GALNT1: variants seen among roughly 807,000 people sequenced by gnomAD.
The protein encoded by GALNT1 is GalNAc transferase 1.
GALNT1 carries 17 observed loss-of-function variants against 65.7 expected under a neutral mutation model. The observed-to-expected ratio is 0.26, with a 90% confidence interval of 0.18 to 0.39. GALNT1 has a LOEUF of 0.39. GALNT1 is among the 10% of genes least tolerant of loss of function. The pLI, the probability that GALNT1 is intolerant of heterozygous loss-of-function variation, is 1.00. For missense variants in GALNT1, 460 were observed against 672.8 expected (o/e 0.68, Z 3.50); for synonymous variants, 210 against 219.7 (o/e 0.96, Z 0.39).
At chr18:35,684,645 G>C (rs1248556602) in intron 5 of GALNT1, among the ~76,000 whole-genome samples, 1 of 152,130 alleles carries the variant, frequency 6.6e-6, no homozygotes, top group Non-Finnish European at 1.5e-5. Flanking sequence ...TCGATATTCT[G>C]AATAACTTTT....
intron 9 of GALNT1, chr18:35,702,678 G>T: frequency 1.5e-5 from 5 of 332,126 alleles, no homozygotes; most frequent in Non-Finnish European, 2.2e-5. Flanking sequence ...AAAAGAAATT[G>T]TAAGGATTTT....
intron 1 of GALNT1, among the ~76,000 whole-genome samples, chr18:35,595,522 A>G (rs1299220421): frequency 6.6e-6 from 1 of 152,116 alleles, no homozygotes; most frequent in Non-Finnish European, 1.5e-5. Flanking sequence ...CAGACCATAA[A>G]CCTATGGCAA....
chr18:35,690,712 A>G (rs1358529691), intron 7 of GALNT1, among the ~76,000 whole-genome samples: 1 of 152,192 alleles, frequency 6.6e-6, no homozygotes, highest in Non-Finnish European at 1.5e-5. Context: ...TAACCTAACC[A>G]TACAGCCGGA....
chr18:35,671,945 A>G (rs2047642798), intron 3 of GALNT1, among the ~76,000 whole-genome samples: 1 of 152,114 alleles, frequency 6.6e-6, no homozygotes, highest in South Asian at 2.1e-4. Context: ...GGAGCTACTT[A>G]TATGCATATA....
At chr18:35,619,956 AGTCTT>A (rs1252714287) in intron 1 of GALNT1, among the ~76,000 whole-genome samples, 1 of 152,156 alleles carries the variant, frequency 6.6e-6, no homozygotes, top group Non-Finnish European at 1.5e-5. Context: ...CTCTCCTCTG[AGTCTT>A]GTCTTATTTT....
chr18:35,597,971 C>T (rs1598780381), intron 1 of GALNT1, among the ~76,000 whole-genome samples: 1 of 144,100 alleles, frequency 6.9e-6, no homozygotes, highest in Admixed American at 7.1e-5. Context: ...TACTATTGAG[C>T]AATAGCTTTT....
chr18:35,602,924 A>C (rs1019808114), intron 1 of GALNT1, among the ~76,000 whole-genome samples: 1 of 152,136 alleles, frequency 6.6e-6, no homozygotes, highest in African/African-American at 2.4e-5. Context: ...ATGTATGTCT[A>C]TGACTTCACA....
chr18:35,585,786 G>A (rs946681395), intron 1 of GALNT1, among the ~76,000 whole-genome samples: 2 of 152,298 alleles, frequency 1.3e-5, no homozygotes, highest in Non-Finnish European at 1.5e-5. Flanking sequence ...CCAGGTTGTT[G>A]CATGTATCAG....
chr18:35,585,200 C>A (rs1167336639), intron 1 of GALNT1, among the ~76,000 whole-genome samples: 2 of 152,072 alleles, frequency 1.3e-5, no homozygotes, highest in African/African-American at 4.8e-5. Flanking sequence ...CATTTCTTAT[C>A]CCATTTTTAT....
intron 8 of GALNT1, among the ~76,000 whole-genome samples, 175 bp from the exon 9 acceptor site, chr18:35,692,006 A>T (rs1417123078): frequency 6.6e-6 from 1 of 152,172 alleles, no homozygotes; most frequent in Non-Finnish European, 1.5e-5. Flanking sequence ...ACACATTTTA[A>T]TGTATTTTCC....
At chr18:35,677,527 C>G in intron 3 of GALNT1, 64 bp from the exon 4 acceptor site, 1 of 1,336,986 alleles carries the variant, frequency 7.5e-7, no homozygotes, top group Non-Finnish European at 1.0e-6. Context: ...CCCTTCTAGT[C>G]CAGATTCCTT....
chr18:35,629,505 C>G (rs539255324), intron 1 of GALNT1, among the ~76,000 whole-genome samples: 2 of 152,276 alleles, frequency 1.3e-5, no homozygotes, highest in Non-Finnish European at 1.5e-5. Context: ...ACTTTACAGA[C>G]AAGCAAATGC....
chr18:35,708,967 A>G (rs956220154), intron 11 of GALNT1, among the ~76,000 whole-genome samples: 1 of 152,072 alleles, frequency 6.6e-6, no homozygotes. Context: ...TGTGAACTCA[A>G]CTCCACATTC....
rs2046560926 is a variant in GALNT1 at position 35,599,955 on chromosome 18, AGT to A, written c.-104+18097_-104+18098del. On this transcript the variant is annotated intron_variant, in intron 1 of 11. Transcript: ENST00000269195. ...TTTCTAATACATTTTGAAGTCAGGT[AGT>A]GTGATGCCTACAGCTTTATTCTTTT... Among the ~76,000 whole-genome samples the A allele has an allele frequency of 1.3e-5, 2 of 152,214 alleles. 1 individual carries two copies. Among genetic ancestry groups the A allele is most frequent in the South Asian group, 4.1e-4 (2 of 4,832 alleles).
At chr18:35,685,320 A>G (rs1367548815) in intron 5 of GALNT1, among the ~76,000 whole-genome samples, 1 of 152,148 alleles carries the variant, frequency 6.6e-6, no homozygotes, top group Non-Finnish European at 1.5e-5. Flanking sequence ...AATACATCCC[A>G]TTAATGTATT....
chr18:35,706,517 A>T (rs2048263863), intron 11 of GALNT1, among the ~76,000 whole-genome samples: 1 of 151,998 alleles, frequency 6.6e-6, no homozygotes, highest in Non-Finnish European at 1.5e-5. Context: ...ATAAAATTAA[A>T]TTTTAAAAAA....
rs2048352283 is a variant in GALNT1, at chr18:35,711,689, A to T, written c.*1919A>T. ...CTTACTGTATGAAAGCTTAACAGCA[A>T]TGTGATTTAAGGTTTTGTTTTAAAT... On this transcript the variant is annotated 3_prime_UTR_variant, in exon 12 of 12. Transcript: ENST00000269195. 6.6e-6 allele frequency: 1 copy of T among 152,216 alleles called. No individual in the cohort carries two copies. The highest frequency in any genetic ancestry group is 1.5e-5 in the Non-Finnish European group (1 of 68,038). The allele number at this position is 152,216 out of a possible 1,614,324, so 9.4% of individuals were successfully genotyped here.
At chr18:35,636,888 G>T (rs2047098246) in intron 1 of GALNT1, among the ~76,000 whole-genome samples, 1 of 124,516 alleles carries the variant, frequency 8.0e-6, no homozygotes, top group Admixed American at 1.0e-4. Flanking sequence ...TGCTCACTTT[G>T]TGTCTTTATG....
At chr18:35,699,174 C>T (rs963491752) in intron 9 of GALNT1, among the ~76,000 whole-genome samples, 9 of 152,108 alleles carry the variant, frequency 5.9e-5, no homozygotes, top group Non-Finnish European at 1.2e-4. Flanking sequence ...ATTCTCTCTA[C>T]TCTGAAATAA....
Sources: gnomAD v4.1 joint callset for allele counts (sites outside exome capture counted in the v4.1 genomes callset) on GRCh38, gnomAD v4.1.1 for gene constraint, MANE v1.5 for transcripts, NCBI Gene and HGNC (gene_info 2026-07-23, HGNC 2026-07-21) for gene names.